The following GPM6A variants were observed in gnomAD, a reference collection of about 807,000 sequenced individuals.
GPM6A encodes glycoprotein M6A.
GPM6A carries 7 observed loss-of-function variants against 32.1 expected under a neutral mutation model. The observed-to-expected ratio is 0.22, with a 90% CI of 0.12 to 0.41. GPM6A has a LOEUF of 0.41. Among genes scored for constraint, GPM6A ranks in the 10% least tolerant of loss-of-function variants. The probability of loss-of-function intolerance (pLI) is 1.00; values close to 1 mark genes in which losing one functional copy is unlikely to be tolerated. For synonymous variants in GPM6A, 130 were observed against 123.4 expected, an observed-to-expected ratio of 1.05 and a Z score of -0.35; for missense variants, 235 against 347.2, an observed-to-expected ratio of 0.68 and a Z score of 2.57.
At chr4:175,912,200 A>C (rs957909853) in intron 1 of GPM6A, among the ~76,000 whole-genome samples, 1 of 152,208 alleles carries the variant, frequency 6.6e-6, no homozygotes, top group Non-Finnish European at 1.5e-5. Context: ...GGAATAAGTA[A>C]AGTTTTTAAT....
rs563339500 is a variant in GPM6A at position 175,810,000 on chromosome 4, ACT to A, written c.37+2189_37+2190del. ...ACTTACTTCTTGCAAATGGAAGAAAACTCTGTGCTATTTGAATTATTGTTTAA... is the reference window on the plus strand; with the variant it reads ...ACTTACTTCTTGCAAATGGAAGAAAACTGTGCTATTTGAATTATTGTTTAA... On this transcript the variant is annotated intron_variant, in intron 1 of 6. Coordinates refer to ENST00000393658, the MANE Select transcript of GPM6A (RefSeq NM_201591.3). 2.0e-5 allele frequency among the ~76,000 whole-genome samples: 3 copies of A among 152,260 alleles called. No homozygotes were observed. The South Asian group carries it at 6.2e-4, about 32-fold the overall frequency.
intron 1 of GPM6A, among the ~76,000 whole-genome samples, chr4:175,741,917 A>G (rs1230000146): frequency 6.6e-6 from 1 of 152,104 alleles, no homozygotes; most frequent in Non-Finnish European, 1.5e-5. Flanking sequence ...AGATCTTGCA[A>G]TCAAGGGTAA....
chr4:175,910,023 A>G (rs1419421860), intron 1 of GPM6A, among the ~76,000 whole-genome samples: 1 of 152,116 alleles, frequency 6.6e-6, no homozygotes, highest in African/African-American at 2.4e-5. Flanking sequence ...TGTGCTAGTA[A>G]GCTGACCCTG....
chr4:175,652,029 C>A, intron 3 of GPM6A, 42 bp from the exon 4 acceptor site: 2 of 1,519,002 alleles, frequency 1.3e-6, no homozygotes, highest in Non-Finnish European at 1.8e-6. Context: ...TGTAATCTAC[C>A]AAAAAAGAAG....
chr4:175,664,677 C>G (rs577850086), intron 3 of GPM6A, among the ~76,000 whole-genome samples: 55 of 152,236 alleles, frequency 3.6e-4, no homozygotes, highest in African/African-American at 1.3e-3. Flanking sequence ...GACTGCAGTC[C>G]TCTATGTATT....
Position 175,931,381 on chromosome 4 carries a change from G to A in GPM6A, c.-23+70928C>T, listed in dbSNP as rs147337857. 4.6e-3 allele frequency among the ~76,000 whole-genome samples: 706 copies of A among 152,002 alleles called. 4 individuals carry two copies. Among genetic ancestry groups the A allele is most frequent in the African/African-American group, 0.016 (668 of 41,462 alleles). ...TCTAAAACACTTTTTGACACTTTTTGCCTTGCAGTGTAGAAGTTTGGCCAG... is the reference window on the plus strand; with the variant it reads ...TCTAAAACACTTTTTGACACTTTTTACCTTGCAGTGTAGAAGTTTGGCCAG... On this transcript the variant is annotated intron_variant, in intron 1 of 7. Transcript: ENST00000280187.
At chr4:175,650,431 C>T (rs887352354) in intron 4 of GPM6A, among the ~76,000 whole-genome samples, 2 of 151,756 alleles carry the variant, frequency 1.3e-5, no homozygotes, top group Admixed American at 6.6e-5. Flanking sequence ...CAGCCTCCCA[C>T]GTAGCTGGGA....
chr4:175,976,546 A>G (rs7667331), intron 1 of GPM6A, among the ~76,000 whole-genome samples: 24,875 of 152,076 alleles, frequency 0.16, 2,271 homozygotes, highest in Non-Finnish European at 0.21. Context: ...AATAAACATA[A>G]TATTATAGTG....
intron 1 of GPM6A, among the ~76,000 whole-genome samples, chr4:175,993,161 T>C (rs1390642146): frequency 6.8e-6 from 1 of 148,074 alleles, no homozygotes; most frequent in African/African-American, 2.5e-5. Flanking sequence ...CCCTCCCCTC[T>C]TTCTTCCTTA....
intron 3 of GPM6A, among the ~76,000 whole-genome samples, chr4:175,663,492 G>A (rs1742551059): frequency 6.6e-6 from 1 of 152,272 alleles, no homozygotes; most frequent in African/African-American, 2.4e-5. Context: ...ACAGTGTGTT[G>A]TATTCTTGAA....
At chr4:175,686,463 C>T (rs1425355282) in intron 2 of GPM6A, among the ~76,000 whole-genome samples, 1 of 152,144 alleles carries the variant, frequency 6.6e-6, no homozygotes, top group African/African-American at 2.4e-5. Flanking sequence ...TCAATGCAAG[C>T]TCATGTTTCC....
chr4:175,752,029 C>T (rs1395785301), intron 1 of GPM6A, among the ~76,000 whole-genome samples: 1 of 152,076 alleles, frequency 6.6e-6, no homozygotes, highest in East Asian at 1.9e-4. Context: ...TCCTGGGTTC[C>T]AGTCTTGTCT....
chr4:175,641,356 C>G (rs1741131828), intron 4 of GPM6A: 1 of 153,794 alleles, frequency 6.5e-6, no homozygotes, highest in South Asian at 2.0e-4. Flanking sequence ...GTTCATAGAC[C>G]AACAGCATTA....
intron 1 of GPM6A, among the ~76,000 whole-genome samples, chr4:175,759,473 T>G (rs746646651): frequency 7.5e-4 from 114 of 152,316 alleles, no homozygotes; most frequent in Non-Finnish European, 1.4e-3. Flanking sequence ...TTGTTATGAA[T>G]TTCAAGGGTC....
At chr4:175,929,226 T>G (rs913040281) in intron 1 of GPM6A, among the ~76,000 whole-genome samples, 4 of 152,214 alleles carry the variant, frequency 2.6e-5, no homozygotes, top group African/African-American at 9.6e-5. Context: ...CTAATTACTT[T>G]TTTCTGTATT....
intron 1 of GPM6A, among the ~76,000 whole-genome samples, chr4:175,738,331 G>C (rs936601183): frequency 9.2e-5 from 14 of 152,184 alleles, no homozygotes; most frequent in African/African-American, 3.4e-4. Context: ...TCAAAATAAA[G>C]CTACTTTGTT....
chr4:175,814,300 CA>C (rs1370813865), upstream of GPM6A, among the ~76,000 whole-genome samples: 1 of 152,054 alleles, frequency 6.6e-6, no homozygotes, highest in Non-Finnish European at 1.5e-5. Flanking sequence ...AAACAAAAAA[CA>C]AAAAACACGG....
At chr4:175,810,746 G>A (rs988223403) in intron 1 of GPM6A, among the ~76,000 whole-genome samples, 1 of 152,164 alleles carries the variant, frequency 6.6e-6, no homozygotes, top group Non-Finnish European at 1.5e-5. Flanking sequence ...CAAAAAAGAT[G>A]TTGTCATAAG....
At chr4:175,829,540 TTTACTTGGAGA>T (rs1735540933) in intron 1 of GPM6A, among the ~76,000 whole-genome samples, 1 of 151,476 alleles carries the variant, frequency 6.6e-6, no homozygotes, top group Non-Finnish European at 1.5e-5. Context: ...TTCTCACTAT[TTTACTTGGAGA>T]GCTGTCCGCT....
Sources: allele counts gnomAD v4.1 joint callset (sites outside exome capture counted in the v4.1 genomes callset), GRCh38; gene constraint gnomAD v4.1.1; transcripts MANE v1.5; gene names NCBI Gene and HGNC (gene_info 2026-07-23, HGNC 2026-07-21).